Variants in PPP1R9A observed in about 807,000 individuals in gnomAD.
PPP1R9A encodes the protein neurabin-1.
Under a neutral mutation model 141.9 loss-of-function variants are expected in PPP1R9A, and 59 were observed. The observed-to-expected ratio is 0.42, with a 90% CI of 0.34 to 0.52. PPP1R9A has a LOEUF of 0.52. Among genes scored for constraint, PPP1R9A ranks in the 20% least tolerant of loss-of-function variants. The pLI, the probability that PPP1R9A is intolerant of heterozygous loss-of-function variation, is 0.10. For missense variants in PPP1R9A, 1,444 were observed against 1,611.9 expected, an observed-to-expected ratio of 0.90 and a Z score of 1.78; for synonymous variants, 500 against 569.7, an observed-to-expected ratio of 0.88 and a Z score of 1.74.
intron 2 of PPP1R9A, among the ~76,000 whole-genome samples, chr7:94,976,575 C>T (rs1799475330): frequency 6.6e-6 from 1 of 152,050 alleles, no homozygotes; most frequent in South Asian, 2.1e-4. Flanking sequence ...CTCCTGACCT[C>T]GTGATCCACC....
chr7:95,292,220 T>TA lies in PPP1R9A; in HGVS notation c.*1917_*1918insA, dbSNP rs1449979496. 3 of 152,466 alleles carry TA rather than the reference T, an allele frequency of 2.0e-5. No individual in the cohort carries two copies. Among genetic ancestry groups the TA allele is most frequent in the African/African-American group, 4.8e-5 (2 of 41,460 alleles). The allele number at this position is 152,466 out of a possible 1,614,324, so 9.4% of individuals were successfully genotyped here. A position where few individuals can be genotyped will look rare whatever the true frequency, so the allele number is the denominator to read the frequency against. On this transcript the variant is annotated 3_prime_UTR_variant, in exon 20 of 20. Coordinates refer to ENST00000433360, the MANE Select transcript of PPP1R9A (RefSeq NM_001166160.2). Reference sequence around the variant, plus strand: ...TAATGTCTTGAGATGTCTGGTGCTTTGTTATTTTTTCACATCATGAGAAAT... The same window carrying TA: ...TAATGTCTTGAGATGTCTGGTGCTTTAGTTATTTTTTCACATCATGAGAAAT...
intron 4 of PPP1R9A, among the ~76,000 whole-genome samples, chr7:95,126,043 G>A (rs1408973431): frequency 4.6e-5 from 7 of 152,044 alleles, no homozygotes; most frequent in African/African-American, 1.7e-4. Context: ...ACACTCTCAT[G>A]TTAGTCTTCT....
intron 2 of PPP1R9A, among the ~76,000 whole-genome samples, chr7:94,969,809 C>T (rs1246548035): frequency 1.3e-5 from 2 of 152,168 alleles, no homozygotes; most frequent in Non-Finnish European, 2.9e-5. Context: ...AAGCCTCTGA[C>T]TGGGGCTGCT....
intron 4 of PPP1R9A, among the ~76,000 whole-genome samples, chr7:95,159,478 A>C (rs1392322867): frequency 6.6e-6 from 1 of 152,192 alleles, no homozygotes; most frequent in Non-Finnish European, 1.5e-5. Context: ...GGTTTGTTAC[A>C]TAGGTATACA....
intron 3 of PPP1R9A, 99 bp downstream of exon 3, chr7:95,111,490 A>ATTTTAATTCTAACAGAGGATC (rs1820558030): frequency 8.5e-7 from 1 of 1,176,886 alleles, no homozygotes; most frequent in Non-Finnish European, 1.2e-6. Flanking sequence ...ATTGGATAAA[A>ATTTTAATTCTAACAGAGGATC]TTTTAATTCT....
intron 4 of PPP1R9A, among the ~76,000 whole-genome samples, chr7:95,122,505 A>G (rs1822821400): frequency 6.6e-6 from 1 of 152,194 alleles, no homozygotes; most frequent in Admixed American, 6.5e-5. Flanking sequence ...GTTCTCAAAG[A>G]GAGCTAAATT....
intron 12 of PPP1R9A, among the ~76,000 whole-genome samples, chr7:95,263,864 G>A (rs572704454): frequency 1.3e-5 from 2 of 152,230 alleles, no homozygotes; most frequent in African/African-American, 4.8e-5. Flanking sequence ...TCTTTATAAA[G>A]ATATTTATTG....
At chr7:95,250,935 A>G (rs1033166190) in intron 10 of PPP1R9A, among the ~76,000 whole-genome samples, 3 of 152,010 alleles carry the variant, frequency 2.0e-5, no homozygotes, top group Admixed American at 1.3e-4. Context: ...TTTTTTCATC[A>G]GTTACTTCTG....
At chr7:95,006,666 A>C (rs578248869) in intron 2 of PPP1R9A, among the ~76,000 whole-genome samples, 1 of 152,284 alleles carries the variant, frequency 6.6e-6, no homozygotes, top group African/African-American at 2.4e-5. Context: ...CCTTCTGGTA[A>C]ACTACTGAGA....
chr7:95,213,413 C>T (rs190034493), intron 7 of PPP1R9A, among the ~76,000 whole-genome samples: 4 of 141,078 alleles, frequency 2.8e-5, no homozygotes, highest in Admixed American at 7.4e-5. Flanking sequence ...CTCTGCCTTA[C>T]GGGTTCAAGC....
rs1219390749 is a variant in PPP1R9A at position 95,290,145 on chromosome 7, G to A, written c.3967G>A (p.Glu1323Lys). The A allele has an allele frequency of 6.2e-7, 1 of 1,613,940 alleles. No homozygotes were observed. The highest frequency in any genetic ancestry group is 1.3e-5 in the African/African-American group (1 of 74,918). The change falls in exon 20 of 20, where the codon GAA (glutamate) becomes AAA (lysine). Residue 1323 changes from glutamate (E) to lysine (K), a missense_variant. By Grantham distance (56) the Glu-to-Lys change is moderately conservative. This residue lies in a region of PPP1R9A where 459 missense variants were observed against 513.8 expected (regional missense o/e 0.89). Transcript: ENST00000433360. ...DRAVVKKKLK[E>K]MKMSLEKARK... ...AGCAGTGGTCAAAAAGAAACTCAAG[G>A]AAATGAAGATGTCTCTAGAGAAGGC...
intron 2 of PPP1R9A, among the ~76,000 whole-genome samples, chr7:95,020,116 A>G (rs1805714533): frequency 6.6e-6 from 1 of 152,148 alleles, no homozygotes; most frequent in African/African-American, 2.4e-5. Flanking sequence ...AGACCAATAG[A>G]GAAATATTTA....
intron 3 of PPP1R9A, among the ~76,000 whole-genome samples, chr7:95,114,296 A>G (rs949780623): frequency 6.6e-6 from 1 of 152,198 alleles, no homozygotes; most frequent in African/African-American, 2.4e-5. Flanking sequence ...ATATAATTGC[A>G]TTTACTTACA....
intron 5 of PPP1R9A, among the ~76,000 whole-genome samples, chr7:95,186,003 C>G (rs1834589446): frequency 1.3e-5 from 2 of 150,412 alleles, no homozygotes; most frequent in Non-Finnish European, 3.0e-5. Context: ...TTTGGCTATG[C>G]AGGCTCTTTT....
chr7:95,091,609 G>T (rs1408873030), intron 2 of PPP1R9A, among the ~76,000 whole-genome samples: 1 of 151,814 alleles, frequency 6.6e-6, no homozygotes, highest in East Asian at 1.9e-4. Flanking sequence ...CTCCCAAAGT[G>T]CTGGGATTAC....
chr7:95,143,930 TGA>T (rs1827141435), intron 4 of PPP1R9A, among the ~76,000 whole-genome samples: 1 of 151,968 alleles, frequency 6.6e-6, no homozygotes, highest in Non-Finnish European at 1.5e-5. Flanking sequence ...CATTGTGAAA[TGA>T]GTGTATCATT....
intron 5 of PPP1R9A, among the ~76,000 whole-genome samples, chr7:95,172,818 A>C (rs1354789835): frequency 6.6e-6 from 1 of 151,928 alleles, no homozygotes; most frequent in Non-Finnish European, 1.5e-5. Context: ...TGAAAGCATC[A>C]CTAATCAAGG....
At position 95,192,039 on chromosome 7, in the gene PPP1R9A, G is replaced by A. The variant is rs532295422; in HGVS notation, c.1755-6310G>A. Reference sequence around the variant, plus strand: ...TGAAGGTTTTAAAAATTCAATTAAAGTGATTATATAGATTTATACTTTAAT... The same window carrying A: ...TGAAGGTTTTAAAAATTCAATTAAAATGATTATATAGATTTATACTTTAAT... On this transcript the variant is annotated intron_variant, in intron 5 of 19. Transcript: ENST00000433360. Among the ~76,000 whole-genome samples, 18 of 152,104 alleles carry A rather than the reference G, an allele frequency of 1.2e-4. No homozygotes were observed. In the South Asian group the frequency reaches 2.5e-3, roughly 21 times the overall value.
chr7:95,171,291 TA>T (rs745448914), intron 5 of PPP1R9A, among the ~76,000 whole-genome samples: 65 of 151,634 alleles, frequency 4.3e-4, no homozygotes, highest in Non-Finnish European at 7.1e-4. Flanking sequence ...GAGATTGTCA[TA>T]TTATATTTTT....
Sources: allele counts gnomAD v4.1 joint callset (sites outside exome capture counted in the v4.1 genomes callset), GRCh38; gene constraint gnomAD v4.1.1; regional missense constraint gnomAD v4.1.1; transcripts MANE v1.5; gene names NCBI Gene and HGNC (gene_info 2026-07-23, HGNC 2026-07-21).